The following ADK variants were observed in gnomAD, a reference collection of about 807,000 sequenced individuals.
ADK encodes the protein adenosine kinase.
ADK carries 24 observed loss-of-function variants against 44.7 expected under a neutral mutation model. That is an observed-to-expected ratio of 0.54 (90% CI 0.39 to 0.76). ADK has a LOEUF of 0.76. Among genes scored for constraint, ADK ranks in the 30% least tolerant of loss-of-function variants. The pLI, the probability that ADK is intolerant of heterozygous loss-of-function variation, is 0.00. For synonymous variants in ADK, 128 were observed against 142.6 expected (o/e 0.90, Z 0.73); for missense variants, 321 against 425.1 (o/e 0.76, Z 2.15).
At chr10:74,666,516 A>G (rs1854961090) in intron 9 of ADK, among the ~76,000 whole-genome samples, 1 of 152,218 alleles carries the variant, frequency 6.6e-6, no homozygotes, top group Non-Finnish European at 1.5e-5. Flanking sequence ...GAATTGAGAA[A>G]TAAATGCTAC....
chr10:74,630,990 T>C (rs1853396093), intron 9 of ADK, among the ~76,000 whole-genome samples: 1 of 152,138 alleles, frequency 6.6e-6, no homozygotes, highest in African/African-American at 2.4e-5. Context: ...TTATTGTGTT[T>C]CTCAAATTGT....
intron 3 of ADK, among the ~76,000 whole-genome samples, chr10:74,251,965 A>G (rs998560059): frequency 8.0e-6 from 1 of 124,678 alleles, no homozygotes; most frequent in Non-Finnish European, 1.6e-5. Context: ...TGTATAGTCT[A>G]GGCCACTCAT....
chr10:74,295,214 C>G (rs1035788414), intron 3 of ADK, among the ~76,000 whole-genome samples: 1 of 151,956 alleles, frequency 6.6e-6, no homozygotes. Flanking sequence ...GTAATCCCAG[C>G]ACTTTGGGAG....
intron 7 of ADK, chr10:74,527,625 AG>A (rs1300646868): frequency 2.9e-5 from 23 of 794,532 alleles, no homozygotes; most frequent in Non-Finnish European, 4.9e-5. Context: ...GAGCAGCTTC[AG>A]GAATCTTATG....
chr10:74,659,654 C>G (rs1206936987), intron 9 of ADK, among the ~76,000 whole-genome samples: 2 of 152,186 alleles, frequency 1.3e-5, no homozygotes, highest in Non-Finnish European at 2.9e-5. Context: ...CACACAATCA[C>G]AAGGTCCCAC....
At chr10:74,310,268 C>T (rs1840390668) in intron 3 of ADK, among the ~76,000 whole-genome samples, 1 of 152,108 alleles carries the variant, frequency 6.6e-6, no homozygotes, top group Non-Finnish European at 1.5e-5. Flanking sequence ...ATAGAAGTTT[C>T]CCGTAAAATG....
intron 6 of ADK, among the ~76,000 whole-genome samples, chr10:74,461,468 G>T (rs1232753393): frequency 6.6e-6 from 1 of 152,040 alleles, no homozygotes; most frequent in Admixed American, 6.6e-5. Context: ...ACTTATGTTA[G>T]ATACATCTCT....
intron 2 of ADK, among the ~76,000 whole-genome samples, chr10:74,216,352 T>C (rs1449012382): frequency 6.6e-6 from 1 of 152,170 alleles, no homozygotes; most frequent in African/African-American, 2.4e-5. Flanking sequence ...ATTTTTTATT[T>C]ATTAAAAAAA....
At chr10:74,495,513 G>A (rs1847651717) in intron 6 of ADK, among the ~76,000 whole-genome samples, 1 of 152,096 alleles carries the variant, frequency 6.6e-6, no homozygotes, top group Non-Finnish European at 1.5e-5. Flanking sequence ...TTTCTCCAAG[G>A]AAAAATGGAT....
intron 3 of ADK, among the ~76,000 whole-genome samples, chr10:74,260,700 T>A (rs1484798888): frequency 6.6e-6 from 1 of 152,242 alleles, no homozygotes; most frequent in Non-Finnish European, 1.5e-5. Flanking sequence ...TTCAAATAAT[T>A]CAGGTAAATT....
intron 4 of ADK, among the ~76,000 whole-genome samples, chr10:74,385,080 T>C (rs569138059): frequency 1.3e-5 from 2 of 152,282 alleles, no homozygotes; most frequent in East Asian, 3.9e-4. Context: ...AGGTTTCTTT[T>C]TGAGATAATG....
intron 1 of ADK, among the ~76,000 whole-genome samples, chr10:74,159,388 A>G (rs1841833373): frequency 6.6e-6 from 1 of 152,148 alleles, no homozygotes; most frequent in Admixed American, 6.5e-5. Context: ...CTATTTTACT[A>G]TGTTACCTGC....
intron 3 of ADK, among the ~76,000 whole-genome samples, chr10:74,282,439 A>G (rs1846976819): frequency 6.6e-6 from 1 of 152,242 alleles, no homozygotes; most frequent in African/African-American, 2.4e-5. Flanking sequence ...ATACCGAAGT[A>G]CTTATGAAAA....
At chr10:74,627,781 C>T (rs1853266623) in intron 9 of ADK, among the ~76,000 whole-genome samples, 1 of 152,102 alleles carries the variant, frequency 6.6e-6, no homozygotes, top group South Asian at 2.1e-4. Flanking sequence ...TACAGGTATA[C>T]ATCACCTCAC....
At chr10:74,401,449 A>G (rs1015361496) in intron 6 of ADK, among the ~76,000 whole-genome samples, 6 of 152,104 alleles carry the variant, frequency 3.9e-5, no homozygotes, top group Non-Finnish European at 8.8e-5. Context: ...TATATTTAGG[A>G]TAGTTAGCTC....
intron 3 of ADK, among the ~76,000 whole-genome samples, chr10:74,240,842 A>G (rs1591917112): frequency 6.6e-6 from 1 of 152,318 alleles, no homozygotes; most frequent in Admixed American, 6.5e-5. Context: ...AAACTGTAAC[A>G]TCTTAACCTT....
At chr10:74,250,725 T>C (rs1212931003) in intron 3 of ADK, among the ~76,000 whole-genome samples, 1 of 152,120 alleles carries the variant, frequency 6.6e-6, no homozygotes, top group Non-Finnish European at 1.5e-5. Context: ...AGGGTAGTAG[T>C]AGTAGTGACT....
At chr10:74,697,962 A>T (rs556986485) in intron 10 of ADK, among the ~76,000 whole-genome samples, 1 of 152,316 alleles carries the variant, frequency 6.6e-6, no homozygotes, top group African/African-American at 2.4e-5. Context: ...TATTGATCAC[A>T]TTTTGTAACA....
At chr10:74,356,756 C>T (rs141218351) in intron 4 of ADK, among the ~76,000 whole-genome samples, 2 of 152,294 alleles carry the variant, frequency 1.3e-5, no homozygotes, top group East Asian at 3.9e-4. Flanking sequence ...ATCCCATTTA[C>T]AGATGGGAAC....
Sources: gnomAD v4.1 joint callset for allele counts (sites outside exome capture counted in the v4.1 genomes callset) on GRCh38, gnomAD v4.1.1 for gene constraint, MANE v1.5 for transcripts, NCBI Gene and HGNC (gene_info 2026-07-23, HGNC 2026-07-21) for gene names.